Variants in LGSN observed in about 807,000 individuals in gnomAD.
LGSN encodes lengsin.
LGSN carries 21 observed loss-of-function variants against 19.5 expected under a neutral mutation model. The observed-to-expected ratio is 1.07, with a 90% CI of 0.76 to 1.55. The LOEUF (loss-of-function observed/expected upper bound fraction) is 1.55. Among genes scored for constraint, LGSN ranks in the 40% most tolerant of loss-of-function variants. LGSN has a pLI of 0.00. For missense variants in LGSN, 673 were observed against 608.5 expected (o/e 1.11, Z -1.12); for synonymous variants, 257 against 215.6 (o/e 1.19, Z -1.68).
the LGSN span, among the ~76,000 whole-genome samples, chr6:63,367,928 C>A: frequency 2.0e-5 from 3 of 148,812 alleles, no homozygotes; most frequent in African/African-American, 7.5e-5. Flanking sequence ...ACATCACACA[C>A]TGGGGCCTGT....
chr6:63,539,672 G>A, the LGSN span, among the ~76,000 whole-genome samples: 2 of 152,226 alleles, frequency 1.3e-5, no homozygotes, highest in Admixed American at 1.3e-4. Context: ...AGGAGGCTGA[G>A]GCAGGGGAAT....
intron 2 of LGSN, among the ~76,000 whole-genome samples, chr6:63,294,576 G>A (rs1468684969): frequency 6.6e-6 from 1 of 151,618 alleles, no homozygotes; most frequent in Non-Finnish European, 1.5e-5. Context: ...CTTTCTTATG[G>A]CCCCTCAAAT....
the LGSN span, among the ~76,000 whole-genome samples, chr6:63,366,575 AT>A: frequency 2.0e-3 from 310 of 152,246 alleles, no homozygotes; most frequent in African/African-American, 7.2e-3. Flanking sequence ...TCTTCACAGA[AT>A]TTGAAAAAAC....
chr6:63,311,857 T>C (rs965055905), intron 1 of LGSN, among the ~76,000 whole-genome samples: 4 of 152,188 alleles, frequency 2.6e-5, no homozygotes, highest in Admixed American at 2.0e-4. Flanking sequence ...TCTTTCTAAA[T>C]AAAATTTTTT....
the LGSN span, among the ~76,000 whole-genome samples, chr6:63,414,925 A>G: frequency 6.6e-6 from 1 of 152,166 alleles, no homozygotes; most frequent in African/African-American, 2.4e-5. Flanking sequence ...AAAAAAATTA[A>G]ATTAAAAATG....
intron 1 of LGSN, among the ~76,000 whole-genome samples, chr6:63,301,979 C>A (rs935987898): frequency 1.1e-4 from 16 of 152,058 alleles, no homozygotes; most frequent in Non-Finnish European, 2.1e-4. Context: ...TTCCTAAAAT[C>A]AAATTTCAAA....
At chr6:63,567,507 T>C in the LGSN span, among the ~76,000 whole-genome samples, 3 of 152,358 alleles carry the variant, frequency 2.0e-5, no homozygotes, top group East Asian at 5.8e-4. Context: ...AACAGTGGAC[T>C]TAAAATATTT....
In LGSN at chr6:63,280,945, C is replaced by A; in HGVS notation, c.606G>T (p.Leu202=). 1 of 1,614,048 alleles carries A rather than the reference C, an allele frequency of 6.2e-7. No individual in the cohort carries two copies. Among genetic ancestry groups the A allele is most frequent in the Non-Finnish European group, 8.5e-7 (1 of 1,180,000 alleles). Residue 202 remains leucine (L), a synonymous_variant, in exon 4 of 4, where the codon CTG becomes CTT. Transcript: ENST00000370657. ...AAAAATCATAGATGAAAGCAGAAAGCAGGGAAAAGCCAGAGGCCTGCAGAT... is the reference window on the plus strand; with the variant it reads ...AAAAATCATAGATGAAAGCAGAAAGAAGGGAAAAGCCAGAGGCCTGCAGAT... The part of the protein sequence containing the change: ...LSHLQASGFS[L]LSAFIYDFCI...
chr6:63,378,351 A>G, the LGSN span, among the ~76,000 whole-genome samples: 1 of 152,132 alleles, frequency 6.6e-6, no homozygotes, highest in Non-Finnish European at 1.5e-5. Flanking sequence ...GGTTAGCACT[A>G]GTCATATGCT....
rs1254797615 is a variant in LGSN at position 63,278,749 on chromosome 6, A to AC, written c.*1271dup. On this transcript the variant is annotated 3_prime_UTR_variant, in exon 4 of 4. Transcript: ENST00000370657. ...ACTTTCTTCTTATGTATCCAAACAC[A>AC]CTTCTCCTGCTCAAAGGAAAAAAGA... 1.3e-5 allele frequency: 2 copies of AC among 151,974 alleles called. No individual in the cohort carries two copies. The highest frequency in any genetic ancestry group is 4.8e-5 in the African/African-American group (2 of 41,358). 9.4% of individuals were successfully genotyped at this position (151,974 alleles called of 1,614,324 possible).
chr6:63,355,104 A>G, the LGSN span, among the ~76,000 whole-genome samples: 2 of 152,210 alleles, frequency 1.3e-5, no homozygotes, highest in Non-Finnish European at 2.9e-5. Context: ...ATAGCTACAC[A>G]GAGGACTTGA....
At chr6:63,364,142 TAA>T in the LGSN span, among the ~76,000 whole-genome samples, 13 of 151,986 alleles carry the variant, frequency 8.6e-5, no homozygotes, top group Admixed American at 3.9e-4. Context: ...GTAAATTGGA[TAA>T]AGAGTCAAGA....
At chr6:63,405,266 A>G in the LGSN span, among the ~76,000 whole-genome samples, 20 of 152,098 alleles carry the variant, frequency 1.3e-4, no homozygotes, top group South Asian at 3.1e-3. Context: ...CAATAAACAT[A>G]CGTGTGCATG....
chr6:63,424,427 A>C, the LGSN span, among the ~76,000 whole-genome samples: 1,286 of 152,172 alleles, frequency 8.5e-3, 22 homozygotes, highest in African/African-American at 0.03. Flanking sequence ...GATTCTACAC[A>C]ATATCTTCCA....
chr6:63,445,607 G>C, the LGSN span, among the ~76,000 whole-genome samples: 1 of 151,884 alleles, frequency 6.6e-6, no homozygotes, highest in Non-Finnish European at 1.5e-5. Flanking sequence ...GACAGAACAA[G>C]ACCCTGTCTC....
the LGSN span, among the ~76,000 whole-genome samples, chr6:63,336,573 A>ATG: frequency 3.4e-5 from 5 of 149,054 alleles, no homozygotes; most frequent in African/African-American, 1.0e-4. Context: ...ATATATATAT[A>ATG]TATGTATAAA....
chr6:63,388,325 G>T, the LGSN span, among the ~76,000 whole-genome samples: 1 of 152,196 alleles, frequency 6.6e-6, no homozygotes, highest in Non-Finnish European at 1.5e-5. Flanking sequence ...GCTTCTTGAT[G>T]AGAAAAGTGA....
At chr6:63,539,580 A>G in the LGSN span, among the ~76,000 whole-genome samples, 3 of 152,144 alleles carry the variant, frequency 2.0e-5, no homozygotes, top group Non-Finnish European at 4.4e-5. Flanking sequence ...GTTCAAGACC[A>G]TCCTGGCCAA....
chr6:63,332,111 T>C, the LGSN span, among the ~76,000 whole-genome samples: 1 of 152,166 alleles, frequency 6.6e-6, no homozygotes, highest in Non-Finnish European at 1.5e-5. Context: ...TTAGGCCTAT[T>C]AGTCTGAGGA....
Sources: allele counts gnomAD v4.1 joint callset (sites outside exome capture counted in the v4.1 genomes callset), GRCh38; gene constraint gnomAD v4.1.1; transcripts MANE v1.5; gene names NCBI Gene and HGNC (gene_info 2026-07-23, HGNC 2026-07-21).